The following PCDHGB1 variants were observed in gnomAD, a reference collection of about 807,000 sequenced individuals.
PCDHGB1 encodes protocadherin gamma-B1.
Under a neutral mutation model 56.6 loss-of-function variants are expected in PCDHGB1, and 34 were observed. The observed-to-expected ratio is 0.60, with a 90% CI of 0.46 to 0.80. The LOEUF is 0.80. PCDHGB1 is among the 30% of genes least tolerant of loss of function. The probability of loss-of-function intolerance (pLI) is 0.00; values close to 1 mark genes in which losing one functional copy is unlikely to be tolerated. For missense variants in PCDHGB1, 1,278 were observed against 1,204.6 expected, an observed-to-expected ratio of 1.06 and a Z score of -0.90; for synonymous variants, 561 against 505.9, an observed-to-expected ratio of 1.11 and a Z score of -1.46.
rs1432960207 is a variant in PCDHGB1, at chr5:141,477,648, C to A, written c.2410-17159C>A. On this transcript the variant is annotated intron_variant, in intron 1 of 3. Coordinates refer to ENST00000523390, the MANE Select transcript of PCDHGB1 (RefSeq NM_018922.3). This position sits in a 1 kb window ranked among gnomAD's most constrained non-coding sequence, Gnocchi z 4.9. ...ACCGGGCTAGTGGGTCGCTATTTCA[C>A]AATAAATCGTGACAATGGCATAGTG... is the stretch of plus-strand genomic sequence containing the variant. 7 of 1,614,046 alleles carry A rather than the reference C, an allele frequency of 4.3e-6. No homozygotes were observed. Among genetic ancestry groups the A allele is most frequent in the Non-Finnish European group, 5.9e-6 (7 of 1,180,044 alleles).
chr5:141,408,112 C>T, intron 1 of PCDHGB1: 1 of 1,460,448 alleles, frequency 6.8e-7, no homozygotes, highest in African/African-American at 1.4e-5. Flanking sequence ...CCCGGGACTC[C>T]TCCTGTCCTG....
At chr5:141,376,493 C>A in intron 1 of PCDHGB1, 1 of 1,614,130 alleles carries the variant, frequency 6.2e-7, no homozygotes, top group South Asian at 1.1e-5. Flanking sequence ...GAAAGGAGAA[C>A]CCAGGCAACT....
At chr5:141,408,274 G>T (rs773254664) in intron 1 of PCDHGB1, 2 of 1,611,590 alleles carry the variant, frequency 1.2e-6, no homozygotes, top group Non-Finnish European at 1.7e-6. Flanking sequence ...TGCTGCCTTT[G>T]TTCTACCCCA....
chr5:141,352,673 A>G lies in PCDHGB1; in HGVS notation c.2409+4A>G, dbSNP rs778268844. The G allele has an allele frequency of 6.3e-7, 1 of 1,575,668 alleles. No individual in the cohort carries two copies. The highest frequency in any genetic ancestry group is 8.6e-7 in the Non-Finnish European group (1 of 1,159,696). Reference sequence around the variant, plus strand: ...TGACCCTTCTTTGTCTTCGCACGTGAGTTTCTGCAAATCTAGTTAAATTTT... The same window carrying G: ...TGACCCTTCTTTGTCTTCGCACGTGGGTTTCTGCAAATCTAGTTAAATTTT... On this transcript the variant is annotated splice_donor_region_variant and intron_variant, in intron 1 of 3. Transcript: ENST00000523390.
Position 141,487,302 on chromosome 5 carries a change from C to T in PCDHGB1, c.2410-7505C>T, listed in dbSNP as rs763268817. 3.7e-6 allele frequency: 6 copies of T among 1,614,154 alleles called. No homozygotes were observed. The highest frequency in any genetic ancestry group is 3.4e-6 in the Non-Finnish European group (4 of 1,180,002). On this transcript the variant is annotated intron_variant, in intron 1 of 3. Transcript: ENST00000523390. This position sits in a 1 kb window ranked among gnomAD's most constrained non-coding sequence, Gnocchi z 5.0. ...TTTGTCTCCTTTGGCTCATTCGTGGCACTACTCTCTAAGTGTCTTCGTGGG... is the reference window on the plus strand; with the variant it reads ...TTTGTCTCCTTTGGCTCATTCGTGGTACTACTCTCTAAGTGTCTTCGTGGG...
intron 1 of PCDHGB1, chr5:141,393,177 G>A (rs1330463387): frequency 6.2e-7 from 1 of 1,613,292 alleles, no homozygotes; most frequent in South Asian, 1.1e-5. Flanking sequence ...GGTAGAAATA[G>A]AAATAATTGA....
At chr5:141,452,511 A>G (rs573632978) in intron 1 of PCDHGB1, among the ~76,000 whole-genome samples, 1 of 152,056 alleles carries the variant, frequency 6.6e-6, no homozygotes, top group South Asian at 2.1e-4. Context: ...TTGTACACAC[A>G]CTCCCTCAAA....
intron 1 of PCDHGB1, chr5:141,378,812 C>A (rs1775174310): frequency 6.6e-6 from 1 of 152,148 alleles, no homozygotes; most frequent in Admixed American, 6.5e-5. Flanking sequence ...CAAACAGAAT[C>A]ATTGTTTCAT....
At position 141,476,015 on chromosome 5, in the gene PCDHGB1, C is replaced by A; in HGVS notation, c.2410-18792C>A. The A allele has an allele frequency of 7.4e-7, 1 of 1,344,728 alleles. No individual in the cohort carries two copies. The highest frequency in any genetic ancestry group is 1.0e-6 in the Non-Finnish European group (1 of 992,700). The allele number at this position is 1,344,728 out of a possible 1,614,324, so 83.3% of individuals were successfully genotyped here. A position where few individuals can be genotyped will look rare whatever the true frequency, so the allele number is the denominator to read the frequency against. ...ATCAACGGCATCCAGAAAGCCATGT[C>A]GGACTCGGCGCCCAGCGCCCAAGCG... On this transcript the variant is annotated intron_variant, in intron 1 of 3. Coordinates refer to ENST00000523390, the MANE Select transcript of PCDHGB1 (RefSeq NM_018922.3). This position sits in a 1 kb window ranked among gnomAD's most constrained non-coding sequence, Gnocchi z 7.6.
intron 1 of PCDHGB1, among the ~76,000 whole-genome samples, chr5:141,386,313 A>G (rs2090530914): frequency 6.6e-6 from 1 of 152,156 alleles, no homozygotes; most frequent in Non-Finnish European, 1.5e-5. Context: ...TCAGTATATC[A>G]AGTGATTGTC....
chr5:141,397,953 C>A, intron 1 of PCDHGB1: 2 of 962,110 alleles, frequency 2.1e-6, no homozygotes. Flanking sequence ...CAGGGCAGCC[C>A]CAGCTCAGAC....
At position 141,434,489 on chromosome 5, in the gene PCDHGB1, C is replaced by G. The variant is rs921000136; in HGVS notation, c.2410-60318C>G. On this transcript the variant is annotated intron_variant, in intron 1 of 3. Coordinates refer to ENST00000523390, the MANE Select transcript of PCDHGB1 (RefSeq NM_018922.3). ...GAATGAGGGCAAGGAACACCTGGCC[C>G]GCCCAGGGCAGAAAACTGCTTAAAG... Among the ~76,000 whole-genome samples, 8 of 152,158 alleles carry G rather than the reference C, an allele frequency of 5.3e-5. 1 individual carries two copies. The highest frequency in any genetic ancestry group is 2.6e-4 in the Admixed American group (4 of 15,284).
At chr5:141,365,016 G>A (rs1763680175) in intron 1 of PCDHGB1, 1 of 1,613,880 alleles carries the variant, frequency 6.2e-7, no homozygotes. Flanking sequence ...ACGCACATCC[G>A]TGTTACGGTC....
intron 1 of PCDHGB1, chr5:141,440,531 C>G (rs931337116): frequency 6.6e-6 from 1 of 152,272 alleles, no homozygotes; most frequent in Middle Eastern, 3.4e-3. Flanking sequence ...GAATCATGCA[C>G]CACGGTTCAG....
intron 1 of PCDHGB1, chr5:141,383,027 C>T (rs752703068): frequency 1.2e-6 from 2 of 1,613,838 alleles, no homozygotes; most frequent in Admixed American, 1.7e-5. Context: ...GACAAAGGGT[C>T]CTTTGTGGGA....
At chr5:141,361,029 A>G (rs1433504702) in intron 1 of PCDHGB1, 2 of 1,613,256 alleles carry the variant, frequency 1.2e-6, no homozygotes, top group Non-Finnish European at 1.7e-6. Context: ...ATGAAAAAAC[A>G]GGAGAAATCA....
chr5:141,410,464 G>A, intron 1 of PCDHGB1: 1 of 1,613,994 alleles, frequency 6.2e-7, no homozygotes, highest in South Asian at 1.1e-5. Context: ...CTTATAATCT[G>A]TGCATTGCAC....
intron 2 of PCDHGB1, 145 bp downstream of exon 2, chr5:141,495,010 G>GT: frequency 6.6e-7 from 1 of 1,516,970 alleles, no homozygotes; most frequent in East Asian, 2.5e-5. Flanking sequence ...GTGTGCGGGG[G>GT]GCTGGCACAC....
intron 1 of PCDHGB1, chr5:141,417,999 TG>T: frequency 6.2e-7 from 1 of 1,613,838 alleles, no homozygotes; most frequent in Non-Finnish European, 8.5e-7. Context: ...GGCTCGGTGG[TG>T]GGGAACCTCG....
Sources: allele counts gnomAD v4.1 joint callset (sites outside exome capture counted in the v4.1 genomes callset), GRCh38; gene constraint gnomAD v4.1.1; non-coding constraint Gnocchi (gnomAD v3.1); transcripts MANE v1.5; gene names NCBI Gene and HGNC (gene_info 2026-07-23, HGNC 2026-07-21).